CCSER1: variants seen among roughly 807,000 people sequenced by gnomAD.
The protein encoded by CCSER1 is serine-rich coiled-coil domain-containing protein 1.
CCSER1 carries 41 observed loss-of-function variants against 82.0 expected under a neutral mutation model. The observed-to-expected ratio is 0.50, with a 90% confidence interval of 0.39 to 0.65. The LOEUF is 0.65. Ranked by LOEUF, CCSER1 falls within the 30% of genes least tolerant of loss-of-function variation. The pLI, the probability that CCSER1 is intolerant of heterozygous loss-of-function variation, is 0.00. For missense variants in CCSER1, 1,119 were observed against 1,064.2 expected (o/e 1.05, Z -0.72); for synonymous variants, 414 against 383.9 (o/e 1.08, Z -0.92).
At chr4:90,955,679 C>G (rs984391478) in intron 9 of CCSER1, among the ~76,000 whole-genome samples, 6 of 152,088 alleles carry the variant, frequency 3.9e-5, no homozygotes, top group East Asian at 1.9e-4. Flanking sequence ...GATTGCCTTT[C>G]CAGCTTCAAA....
chr4:90,964,407 A>AATAATAAATAAT (rs1392036438), intron 9 of CCSER1, among the ~76,000 whole-genome samples: 5 of 152,074 alleles, frequency 3.3e-5, no homozygotes, highest in African/African-American at 1.2e-4. Context: ...CAGTAAAGGC[A>AATAATAAATAAT]TCTGAAAATC....
intron 6 of CCSER1, among the ~76,000 whole-genome samples, chr4:90,719,957 A>G (rs1367490244): frequency 6.6e-6 from 1 of 152,020 alleles, no homozygotes; most frequent in Admixed American, 6.6e-5. Flanking sequence ...TGTCTCGTCT[A>G]TTTATTTGTT....
chr4:90,151,037 C>T (rs939235522), intron 1 of CCSER1, among the ~76,000 whole-genome samples: 3 of 151,932 alleles, frequency 2.0e-5, no homozygotes, highest in Non-Finnish European at 4.4e-5. Context: ...TCTGGCCTGA[C>T]AAAGACTTGC....
chr4:90,158,115 C>G (rs1000377325), intron 1 of CCSER1, among the ~76,000 whole-genome samples: 1 of 152,220 alleles, frequency 6.6e-6, no homozygotes, highest in Non-Finnish European at 1.5e-5. Context: ...AGCTGCAGAT[C>G]TGTTGGAGTT....
intron 10 of CCSER1, among the ~76,000 whole-genome samples, chr4:91,266,836 G>T (rs1460184777): frequency 6.6e-6 from 1 of 152,052 alleles, no homozygotes; most frequent in African/African-American, 2.4e-5. Flanking sequence ...CCTAAGGAAG[G>T]CTATATTCTA....
chr4:91,554,452 T>C (rs1378480132), intron 10 of CCSER1, among the ~76,000 whole-genome samples: 1 of 151,204 alleles, frequency 6.6e-6, no homozygotes, highest in South Asian at 2.1e-4. Flanking sequence ...ACATACACAA[T>C]AGCACAAAAA....
chr4:91,298,133 A>T (rs1022224751), intron 10 of CCSER1, among the ~76,000 whole-genome samples: 1 of 152,046 alleles, frequency 6.6e-6, no homozygotes, highest in South Asian at 2.1e-4. Context: ...TGTGATTATG[A>T]GATACAGTAA....
chr4:90,539,312 C>T (rs1236600367), intron 5 of CCSER1, among the ~76,000 whole-genome samples: 3 of 151,930 alleles, frequency 2.0e-5, no homozygotes, highest in Non-Finnish European at 4.4e-5. Flanking sequence ...AGAATATAGT[C>T]CTAAGGAAGA....
chr4:91,262,132 G>T (rs1411289083), intron 10 of CCSER1, among the ~76,000 whole-genome samples: 1 of 152,088 alleles, frequency 6.6e-6, no homozygotes, highest in East Asian at 1.9e-4. Flanking sequence ...ACAGTGTGTG[G>T]TGAAGAACAA....
intron 6 of CCSER1, among the ~76,000 whole-genome samples, chr4:90,640,945 C>G (rs573185145): frequency 6.6e-6 from 1 of 152,068 alleles, no homozygotes. Flanking sequence ...ATGCAAGGTA[C>G]TAGAACAAAC....
At chr4:91,204,824 A>G (rs1444862914) in intron 10 of CCSER1, among the ~76,000 whole-genome samples, 2 of 151,796 alleles carry the variant, frequency 1.3e-5, no homozygotes, top group South Asian at 4.1e-4. Flanking sequence ...TTGTCTTGAT[A>G]CAAATCATAA....
intron 1 of CCSER1, among the ~76,000 whole-genome samples, chr4:90,146,117 A>G (rs1355442912): frequency 1.3e-5 from 2 of 152,096 alleles, no homozygotes; most frequent in African/African-American, 4.8e-5. Context: ...TAAAGTAGTG[A>G]AAAAGAACAA....
chr4:90,305,466 G>A (rs1734092952), intron 1 of CCSER1, among the ~76,000 whole-genome samples: 1 of 152,150 alleles, frequency 6.6e-6, no homozygotes, highest in African/African-American at 2.4e-5. Context: ...GTGGCTGTAA[G>A]TGATGTTAGT....
At chr4:90,459,868 T>G (rs982552695) in intron 4 of CCSER1, among the ~76,000 whole-genome samples, 2 of 152,208 alleles carry the variant, frequency 1.3e-5, no homozygotes, top group African/African-American at 4.8e-5. Context: ...AGGACACTTT[T>G]TTGCCAGCCC....
intron 10 of CCSER1, among the ~76,000 whole-genome samples, chr4:91,528,263 C>T (rs936051953): frequency 2.6e-5 from 4 of 152,014 alleles, no homozygotes; most frequent in African/African-American, 9.7e-5. Context: ...AATGTATTTG[C>T]CCATAGTGGT....
Position 90,309,544 on chromosome 4 carries a change from T to C in CCSER1, c.1260T>C (p.Pro420=). The C allele has an allele frequency of 6.2e-7, 1 of 1,610,520 alleles. No homozygotes were observed. ...CTATTTCAGATTCAAAGATAATACC[T>C]ACTTCTGGTGATCATCATATTTTTA... is the stretch of plus-strand genomic sequence containing the variant. ...IHPISDSKII[P]TSGDHHIFNK... is the part of the protein sequence containing the mutation. The change falls in exon 2 of 11, where the codon CCT becomes CCC. Residue 420 remains proline (P), a synonymous_variant. Transcript: ENST00000509176.
In CCSER1 at chr4:91,496,801, A is replaced by AAT. The variant is rs532957106; in HGVS notation, c.2218-101760_2218-101759dup. Among the ~76,000 whole-genome samples, 205 of 66,864 alleles carry AAT rather than the reference A, an allele frequency of 3.1e-3. 45 individuals are homozygous for AAT. In the East Asian group the frequency reaches 0.033, roughly 11 times the overall value. 43.9% of individuals were successfully genotyped at this position (66,864 alleles called of 152,430 possible). On this transcript the variant is annotated intron_variant, in intron 10 of 10. Coordinates refer to ENST00000509176, the MANE Select transcript of CCSER1 (RefSeq NM_001145065.2). ...TGAATATATATTGAATATATATTTG[A>AAT]ATATATATATATTCAATATATATTG...
At chr4:91,238,388 G>T (rs900738700) in intron 10 of CCSER1, among the ~76,000 whole-genome samples, 2 of 152,154 alleles carry the variant, frequency 1.3e-5, no homozygotes, top group Non-Finnish European at 2.9e-5. Context: ...TTTTCCCAAA[G>T]ACATGAGGAT....
chr4:91,289,883 T>TA (rs1743613828), intron 10 of CCSER1, among the ~76,000 whole-genome samples: 2 of 151,638 alleles, frequency 1.3e-5, no homozygotes, highest in African/African-American at 4.8e-5. Context: ...AACAAACAGA[T>TA]AAAAAACAAT....
Sources: gnomAD v4.1 joint callset for allele counts (sites outside exome capture counted in the v4.1 genomes callset) on GRCh38, gnomAD v4.1.1 for gene constraint, MANE v1.5 for transcripts, NCBI Gene and HGNC (gene_info 2026-07-23, HGNC 2026-07-21) for gene names.